Variants in PSTPIP1 observed in about 807,000 individuals in gnomAD.
The protein encoded by PSTPIP1 is proline-serine-threonine phosphatase-interacting protein 1.
PSTPIP1 carries 66 observed loss-of-function variants against 69.6 expected under a neutral mutation model. The ratio of observed to expected loss-of-function variants is 0.95; its 90% CI spans 0.78 to 1.16. The LOEUF (loss-of-function observed/expected upper bound fraction) is 1.16, where lower values mean the gene tolerates loss of function less well. PSTPIP1 is among the 50% of genes most tolerant of loss of function. PSTPIP1 has a pLI of 0.00. For synonymous variants in PSTPIP1, 266 were observed against 222.7 expected, an observed-to-expected ratio of 1.19 and a Z score of -1.73; for missense variants, 603 against 557.4, an observed-to-expected ratio of 1.08 and a Z score of -0.82.
intron 1 of PSTPIP1, among the ~76,000 whole-genome samples, chr15:77,017,582 C>T (rs1036433057): frequency 6.6e-6 from 1 of 152,156 alleles, no homozygotes; most frequent in Non-Finnish European, 1.5e-5. Context: ...TGGCACATGG[C>T]TGGTGCCCAA....
chr15:76,995,142 G>A lies in PSTPIP1; in HGVS notation c.-432G>A. The stretch of plus-strand genomic sequence containing the variant: ...AGGTTGCACAAACCTTCCTGCGCAG[G>A]CCTCGGGCTGCCTGCCTGCCTGCCT... On this transcript the variant is annotated 5_prime_UTR_variant, in exon 1 of 15. Transcript: ENST00000558012. 1 of 1,086,856 alleles carries A rather than the reference G, an allele frequency of 9.2e-7. No individual in the cohort carries two copies. Among genetic ancestry groups the A allele is most frequent in the Non-Finnish European group, 1.2e-6 (1 of 867,386 alleles). The allele number at this position is 1,086,856 out of a possible 1,614,324, so 67.3% of individuals were successfully genotyped here. A position where few individuals can be genotyped will look rare whatever the true frequency, so the allele number is the denominator to read the frequency against.
At chr15:76,998,905 T>C (rs2075639038) in intron 1 of PSTPIP1, among the ~76,000 whole-genome samples, 1 of 152,244 alleles carries the variant, frequency 6.6e-6, no homozygotes, top group African/African-American at 2.4e-5. Context: ...TAATGTGATT[T>C]CTGTGATACA....
chr15:77,031,349 T>A (rs999344938), intron 10 of PSTPIP1, 71 bp downstream of exon 10: 9 of 1,503,768 alleles, frequency 6.0e-6, no homozygotes, highest in Non-Finnish European at 8.3e-6. Flanking sequence ...CAGGTCCATC[T>A]GAGCCGGTCA....
In PSTPIP1 at chr15:76,995,382, G is replaced by A. The variant is rs750156022; in HGVS notation, c.-192G>A. 5 of 1,443,284 alleles carry A rather than the reference G, an allele frequency of 3.5e-6. No individual in the cohort carries two copies. The South Asian group carries it at 7.3e-5, about 21-fold the overall frequency. 89.4% of individuals were successfully genotyped at this position (1,443,284 alleles called of 1,614,324 possible). On this transcript the variant is annotated 5_prime_UTR_variant, in exon 1 of 15. Coordinates refer to ENST00000558012, the MANE Select transcript of PSTPIP1 (RefSeq NM_003978.5). Reference sequence around the variant, plus strand: ...CTGATTCTAGCCCCAAACAAAACAGGTTGAGCTTTTTCCTCCCCTCAGAAG... The same window carrying A: ...CTGATTCTAGCCCCAAACAAAACAGATTGAGCTTTTTCCTCCCCTCAGAAG...
At chr15:77,028,375 C>A in intron 6 of PSTPIP1, 179 bp from the exon 7 acceptor site, 1 of 560,450 alleles carries the variant, frequency 1.8e-6, no homozygotes. Context: ...CTACCAGCAG[C>A]CCCCACGCCT....
intron 7 of PSTPIP1, 118 bp downstream of exon 7, chr15:77,028,770 CTCT>C: frequency 1.1e-6 from 1 of 882,436 alleles, no homozygotes; most frequent in South Asian, 2.0e-5. Flanking sequence ...CTGCTTAGCC[CTCT>C]CTGACCCCCA....
intron 1 of PSTPIP1, among the ~76,000 whole-genome samples, chr15:77,011,118 A>C (rs1273161299): frequency 6.6e-6 from 1 of 152,238 alleles, no homozygotes; most frequent in East Asian, 1.9e-4. Context: ...TTCAAGCCAG[A>C]CAGACCTTGG....
chr15:77,009,426 C>G (rs1016577254), intron 1 of PSTPIP1, among the ~76,000 whole-genome samples: 4 of 152,206 alleles, frequency 2.6e-5, no homozygotes, highest in African/African-American at 9.7e-5. Flanking sequence ...AAAGCAGGCA[C>G]CTCATATCAG....
At chr15:77,036,542 C>G (rs1045660298) in intron 14 of PSTPIP1, among the ~76,000 whole-genome samples, 1 of 152,168 alleles carries the variant, frequency 6.6e-6, no homozygotes, top group Non-Finnish European at 1.5e-5. Context: ...ATAGCCAGAC[C>G]TCACATCCAC....
chr15:77,025,558 G>A lies in PSTPIP1; in HGVS notation c.308G>A (p.Arg103Gln), dbSNP rs1250282129. The A allele has an allele frequency of 7.7e-6, 12 of 1,553,184 alleles. No homozygotes were observed. The East Asian group carries it at 1.7e-4, about 22-fold the overall frequency. ...GCCCTGACCCTGCGTGAGGAGCTGC[G>A]GAGTCTCGAGGAGTTTCGTGAGAGG... ...QLALTLREEL[R>Q]SLEEFRERQK... Residue 103 changes from arginine (R) to glutamine (Q), a missense_variant, in exon 5 of 15, where the codon CGG (arginine) becomes CAG (glutamine). Transcript: ENST00000558012.
intron 8 of PSTPIP1, 21 bp downstream of exon 8, chr15:77,029,595 C>A: frequency 6.4e-7 from 1 of 1,564,832 alleles, no homozygotes; most frequent in East Asian, 2.4e-5. Flanking sequence ...CTGGCTGCCC[C>A]GTCCGACCAG....
At chr15:77,014,289 A>G (rs955813410) in intron 1 of PSTPIP1, among the ~76,000 whole-genome samples, 1 of 151,876 alleles carries the variant, frequency 6.6e-6, no homozygotes, top group African/African-American at 2.4e-5. Context: ...CACTGTTCTC[A>G]CCTATGCGCA....
At chr15:77,036,871 G>C (rs971911036) in intron 14 of PSTPIP1, among the ~76,000 whole-genome samples, 174 bp from the exon 15 acceptor site, 6 of 152,126 alleles carry the variant, frequency 3.9e-5, no homozygotes, top group African/African-American at 7.2e-5. Flanking sequence ...AACTGAGGGG[G>C]ATGGGAGGCC....
intron 1 of PSTPIP1, among the ~76,000 whole-genome samples, chr15:77,003,487 C>T (rs560227782): frequency 6.6e-6 from 1 of 152,204 alleles, no homozygotes; most frequent in East Asian, 1.9e-4. Flanking sequence ...AACCCTGTCT[C>T]TACTAAAACT....
At chr15:77,002,120 C>T (rs888660499) in intron 1 of PSTPIP1, among the ~76,000 whole-genome samples, 1 of 152,260 alleles carries the variant, frequency 6.6e-6, no homozygotes, top group Non-Finnish European at 1.5e-5. Flanking sequence ...GCCAGGCATG[C>T]TGCCATTCAG....
intron 1 of PSTPIP1, among the ~76,000 whole-genome samples, chr15:77,003,164 C>G (rs946968677): frequency 2.6e-5 from 4 of 152,196 alleles, no homozygotes; most frequent in African/African-American, 9.7e-5. Context: ...CAAAAGAGGA[C>G]AGAGGCTGCG....
upstream of PSTPIP1, chr15:76,994,730 C>A: frequency 7.8e-7 from 1 of 1,287,606 alleles, no homozygotes; most frequent in African/African-American, 1.5e-5. Context: ...GTGTCTGCTC[C>A]CAGACTATGG....
At chr15:77,001,803 AC>A (rs2075714200) in intron 1 of PSTPIP1, among the ~76,000 whole-genome samples, 2 of 152,234 alleles carry the variant, frequency 1.3e-5, no homozygotes, top group Admixed American at 6.5e-5. Context: ...AGTATTAACA[AC>A]AAAAATCTGT....
intron 11 of PSTPIP1, 86 bp downstream of exon 11, chr15:77,032,480 G>A (rs745993601): frequency 1.5e-5 from 22 of 1,432,106 alleles, no homozygotes; most frequent in South Asian, 5.9e-5. Flanking sequence ...TGCCAGGACC[G>A]GGCTGGGGTA....
Sources: allele counts gnomAD v4.1 joint callset (sites outside exome capture counted in the v4.1 genomes callset), GRCh38; gene constraint gnomAD v4.1.1; transcripts MANE v1.5; gene names NCBI Gene and HGNC (gene_info 2026-07-23, HGNC 2026-07-21).